OR1B1: variants seen among roughly 807,000 people sequenced by gnomAD.
OR1B1 encodes the protein olfactory receptor family 1 subfamily B member 1.
For synonymous variants in OR1B1, 168 were observed against 156.2 expected (o/e 1.08, Z -0.57); for missense variants, 414 against 402.1 (o/e 1.03, Z -0.25).
upstream of OR1B1, among the ~76,000 whole-genome samples, chr9:122,633,990 A>G (rs929767328): frequency 2.0e-5 from 3 of 151,766 alleles, no homozygotes; most frequent in Admixed American, 6.6e-5. Flanking sequence ...TCACACTGCT[A>G]TAAAGAAATA....
the OR1B1 span, among the ~76,000 whole-genome samples, chr9:122,635,734 T>A: frequency 6.6e-6 from 1 of 152,146 alleles, no homozygotes; most frequent in Non-Finnish European, 1.5e-5. Context: ...TTTGCCAGAC[T>A]TAATGAAGGA....
rs145877960 is a variant in OR1B1, at chr9:122,629,136, A to G, written c.400T>C (p.Tyr134His). The G allele has an allele frequency of 3.1e-6, 5 of 1,614,018 alleles. No individual in the cohort carries two copies. In the African/African-American group the frequency reaches 6.7e-5, roughly 22 times the overall value. ...CGTTGGTGATTCATTACCAAAGCATAGTGCAGGGGGTCACAGATGGCCACA... is the reference window on the plus strand; with the variant it reads ...CGTTGGTGATTCATTACCAAAGCATGGTGCAGGGGGTCACAGATGGCCACA... The change falls in exon 1 of 1, where the codon TAT (tyrosine) becomes CAT (histidine). Residue 134 changes from tyrosine (Y) to histidine (H), a missense_variant. Tyr to His is a moderately conservative substitution (Grantham distance 83). Transcript: ENST00000623530.
At chr9:122,648,055 C>T in the OR1B1 span, among the ~76,000 whole-genome samples, 1 of 151,746 alleles carries the variant, frequency 6.6e-6, no homozygotes, top group Non-Finnish European at 1.5e-5. Flanking sequence ...TCTATTATTC[C>T]TTAAAAAAAA....
chr9:122,632,931 G>A (rs1027605254), upstream of OR1B1, among the ~76,000 whole-genome samples: 1 of 152,126 alleles, frequency 6.6e-6, no homozygotes, highest in African/African-American at 2.4e-5. Context: ...CATGGCTGGG[G>A]AGACCTCACA....
chr9:122,642,635 G>A, the OR1B1 span, among the ~76,000 whole-genome samples: 1 of 152,092 alleles, frequency 6.6e-6, no homozygotes, highest in Non-Finnish European at 1.5e-5. Context: ...ATGTCTCCAT[G>A]CCACTGATCC....
chr9:122,649,418 A>G, the OR1B1 span, among the ~76,000 whole-genome samples: 2 of 152,334 alleles, frequency 1.3e-5, no homozygotes, highest in East Asian at 3.9e-4. Context: ...TAATTAAACT[A>G]AAGAGTTTCT....
At chr9:122,632,706 A>C (rs951832116), upstream of OR1B1, among the ~76,000 whole-genome samples, 1 of 152,208 alleles carries the variant, frequency 6.6e-6, no homozygotes. Context: ...TTCACCTAGA[A>C]TAATGGAAAG....
chr9:122,628,859 C>T (rs745868237), exon 1 of OR1B1: 189 of 1,613,928 alleles, frequency 1.2e-4, no homozygotes, highest in Middle Eastern at 1.6e-4. Flanking sequence ...GGCCCCAATT[C>T]GGACATAAGA....
chr9:122,653,784 C>T, the OR1B1 span, among the ~76,000 whole-genome samples: 1 of 152,122 alleles, frequency 6.6e-6, no homozygotes, highest in Non-Finnish European at 1.5e-5. Flanking sequence ...TATTATTCAA[C>T]CTGCTTACAC....
At chr9:122,629,310 A>G (rs745378795) in exon 1 of OR1B1, 2 of 1,614,144 alleles carry the variant, frequency 1.2e-6, no homozygotes, top group South Asian at 2.2e-5. Context: ...GTAACTGTGG[A>G]TAGCCCCATG....
the OR1B1 span, among the ~76,000 whole-genome samples, chr9:122,654,162 T>C: frequency 6.6e-6 from 1 of 152,138 alleles, no homozygotes; most frequent in Non-Finnish European, 1.5e-5. Context: ...GGAGCTTCCA[T>C]TGTAGCTAGG....
At chr9:122,637,695 T>TCTTAAA in the OR1B1 span, among the ~76,000 whole-genome samples, 1 of 152,326 alleles carries the variant, frequency 6.6e-6, no homozygotes, top group East Asian at 1.9e-4. Context: ...GCAAACATTT[T>TCTTAAA]CTTAAACTAT....
At chr9:122,633,568 A>G (rs1368755567), upstream of OR1B1, among the ~76,000 whole-genome samples, 2 of 152,212 alleles carry the variant, frequency 1.3e-5, no homozygotes, top group East Asian at 3.8e-4. Flanking sequence ...AGGGGTTAAT[A>G]TTCAAAATAT....
At chr9:122,629,090 A>C in exon 1 of OR1B1, 1 of 1,613,548 alleles carries the variant, frequency 6.2e-7, no homozygotes, top group South Asian at 1.1e-5. Flanking sequence ...CACCCAGCTC[A>C]AGGCTAGTAA....
chr9:122,630,137 G>C (rs1177808468), upstream of OR1B1, among the ~76,000 whole-genome samples: 5 of 152,104 alleles, frequency 3.3e-5, no homozygotes, highest in African/African-American at 4.8e-5. Flanking sequence ...AGAGCAATTA[G>C]ACCAATGAAA....
chr9:122,650,419 A>AAT, the OR1B1 span, among the ~76,000 whole-genome samples: 3 of 150,992 alleles, frequency 2.0e-5, no homozygotes, highest in Admixed American at 6.6e-5. Context: ...AAATTAAAAA[A>AAT]ATATATATAT....
chr9:122,637,718 A>G, the OR1B1 span, among the ~76,000 whole-genome samples: 1 of 152,084 alleles, frequency 6.6e-6, no homozygotes, highest in Admixed American at 6.5e-5. Flanking sequence ...TTTTGTTACC[A>G]GTTTCTAATT....
At chr9:122,651,230 T>C in the OR1B1 span, among the ~76,000 whole-genome samples, 1 of 152,208 alleles carries the variant, frequency 6.6e-6, no homozygotes, top group Non-Finnish European at 1.5e-5. Context: ...ATGGGGTACA[T>C]ACTGTGATCA....
chr9:122,648,554 T>C, the OR1B1 span, among the ~76,000 whole-genome samples: 1 of 152,178 alleles, frequency 6.6e-6, no homozygotes, highest in African/African-American at 2.4e-5. Context: ...TAAGGAAGTC[T>C]CAGGATACAA....
Sources: gnomAD v4.1 joint callset for allele counts (sites outside exome capture counted in the v4.1 genomes callset) on GRCh38, gnomAD v4.1.1 for gene constraint, MANE v1.5 for transcripts, NCBI Gene and HGNC (gene_info 2026-07-23, HGNC 2026-07-21) for gene names.